Variants in HHAT observed in about 807,000 individuals in gnomAD.
HHAT encodes the protein protein-cysteine N-palmitoyltransferase HHAT.
HHAT carries 47 observed loss-of-function variants against 70.8 expected under a neutral mutation model. The observed-to-expected ratio is 0.66, with a 90% CI of 0.53 to 0.85. The LOEUF (loss-of-function observed/expected upper bound fraction) is 0.85, where lower values mean the gene tolerates loss of function less well. Among genes scored for constraint, HHAT ranks in the 40% least tolerant of loss-of-function variants. The probability of loss-of-function intolerance (pLI) is 0.00; values close to 1 mark genes in which losing one functional copy is unlikely to be tolerated. For synonymous variants in HHAT, 228 were observed against 247.6 expected, an observed-to-expected ratio of 0.92 and a Z score of 0.74; for missense variants, 609 against 604.8, an observed-to-expected ratio of 1.01 and a Z score of -0.07.
At chr1:210,555,995 C>G (rs139868196) in intron 9 of HHAT, among the ~76,000 whole-genome samples, 253 of 152,268 alleles carry the variant, frequency 1.7e-3, no homozygotes, top group South Asian at 3.3e-3. Context: ...GTTCTTTTCT[C>G]TTTCACATGT....
intron 9 of HHAT, among the ~76,000 whole-genome samples, chr1:210,544,371 T>TTTTTTTTTTTTTTTTTTTTTTTTTCTTTC (rs2095462828): frequency 1.5e-5 from 1 of 65,286 alleles, no homozygotes; most frequent in Non-Finnish European, 4.8e-5. Context: ...TCTTTCGTTT[T>TTTTTTTTTTTTTTTTTTTTTTTTTCTTTC]TTTTTTTTTT....
chr1:210,493,849 C>T (rs1311338405), intron 8 of HHAT, among the ~76,000 whole-genome samples: 1 of 152,188 alleles, frequency 6.6e-6, no homozygotes, highest in Non-Finnish European at 1.5e-5. Flanking sequence ...TTCCTTGCAT[C>T]ACCACCTCAA....
upstream of HHAT, among the ~76,000 whole-genome samples, chr1:210,327,667 G>A (rs1057063936): frequency 2.6e-5 from 4 of 151,078 alleles, no homozygotes; most frequent in African/African-American, 7.3e-5. Flanking sequence ...CACCACACCC[G>A]GCTAATTTTT....
chr1:210,375,820 C>G (rs2148090674), intron 3 of HHAT, among the ~76,000 whole-genome samples: 1 of 150,178 alleles, frequency 6.7e-6, no homozygotes, highest in African/African-American at 2.4e-5. Flanking sequence ...CTCTCTTGTT[C>G]AGATTGGGTG....
At chr1:210,388,219 T>C (rs952485716) in intron 4 of HHAT, among the ~76,000 whole-genome samples, 10 of 152,188 alleles carry the variant, frequency 6.6e-5, no homozygotes, top group Non-Finnish European at 1.2e-4. Flanking sequence ...TGCTATAGAT[T>C]CCTGATGGAG....
intron 9 of HHAT, among the ~76,000 whole-genome samples, chr1:210,564,034 A>G (rs925380056): frequency 2.0e-5 from 3 of 151,824 alleles, no homozygotes; most frequent in African/African-American, 7.3e-5. Flanking sequence ...GCTCACAGCA[A>G]CCTCTGCCTC....
chr1:210,418,583 G>A (rs2092796697), intron 7 of HHAT, among the ~76,000 whole-genome samples: 1 of 152,154 alleles, frequency 6.6e-6, no homozygotes, highest in Non-Finnish European at 1.5e-5. Flanking sequence ...GGATCCTACT[G>A]ACCTTAGCTG....
intron 3 of HHAT, among the ~76,000 whole-genome samples, chr1:210,386,707 T>A (rs1278199229): frequency 6.6e-6 from 1 of 152,170 alleles, no homozygotes; most frequent in Admixed American, 6.5e-5. Context: ...TCCGTGGTCC[T>A]TTCTGGGGCT....
chr1:210,506,169 A>C (rs2148561116), intron 8 of HHAT, among the ~76,000 whole-genome samples: 1 of 152,326 alleles, frequency 6.6e-6, no homozygotes, highest in Admixed American at 6.5e-5. Context: ...ATTTTGATGC[A>C]CTGTGAGGCT....
chr1:210,414,644 A>G (rs1169052925), intron 6 of HHAT, among the ~76,000 whole-genome samples: 2 of 152,184 alleles, frequency 1.3e-5, no homozygotes, highest in African/African-American at 2.4e-5. Flanking sequence ...AGGGGTCTTG[A>G]GTACATTTGC....
At chr1:210,450,297 G>T (rs1362779226) in intron 7 of HHAT, among the ~76,000 whole-genome samples, 1 of 151,076 alleles carries the variant, frequency 6.6e-6, no homozygotes, top group Non-Finnish European at 1.5e-5. Context: ...TCTCAGGTGG[G>T]GGGGGTGGGA....
At chr1:210,671,068 C>T (rs373376816) in intron 11 of HHAT, among the ~76,000 whole-genome samples, 4 of 152,320 alleles carry the variant, frequency 2.6e-5, no homozygotes, top group African/African-American at 7.2e-5. Context: ...GTCTTCCTTA[C>T]AGCCCTGTGT....
chr1:210,375,058 C>A (rs1393184561), intron 3 of HHAT, among the ~76,000 whole-genome samples: 4 of 152,180 alleles, frequency 2.6e-5, no homozygotes, highest in Admixed American at 2.6e-4. Flanking sequence ...TTAGTACAAC[C>A]CACAGACTTT....
intron 9 of HHAT, among the ~76,000 whole-genome samples, chr1:210,552,344 ATGTCCGATTTG>A (rs1431278506): frequency 1.3e-5 from 2 of 152,218 alleles, no homozygotes; most frequent in Non-Finnish European, 2.9e-5. Context: ...GGTAACTTAC[ATGTCCGATTTG>A]TGTCCTTCTG....
chr1:210,417,692 T>C (rs957280117), intron 6 of HHAT, among the ~76,000 whole-genome samples: 13 of 152,180 alleles, frequency 8.5e-5, no homozygotes, highest in African/African-American at 2.4e-4. Flanking sequence ...CAGCCCATCT[T>C]TTTCTCTTTC....
chr1:210,383,208 T>A (rs1221713249), intron 3 of HHAT, among the ~76,000 whole-genome samples: 1 of 151,908 alleles, frequency 6.6e-6, no homozygotes, highest in Admixed American at 6.6e-5. Context: ...GGTGTGGTGG[T>A]ATGCACCTGT....
At chr1:210,598,299 G>A (rs989068404) in intron 10 of HHAT, among the ~76,000 whole-genome samples, 1 of 151,900 alleles carries the variant, frequency 6.6e-6, no homozygotes, top group African/African-American at 2.4e-5. Flanking sequence ...CTGGGGTTGG[G>A]GGACGGGTGA....
chr1:210,509,559 A>AGAT (rs2094919303), intron 8 of HHAT, among the ~76,000 whole-genome samples: 1 of 152,224 alleles, frequency 6.6e-6, no homozygotes, highest in South Asian at 2.1e-4. Flanking sequence ...TCTGTGGTGC[A>AGAT]GATGATAATA....
chr1:210,502,003 T>C (rs939155101), intron 8 of HHAT, among the ~76,000 whole-genome samples: 7 of 145,692 alleles, frequency 4.8e-5, no homozygotes, highest in Non-Finnish European at 1.1e-4. Context: ...GCCTATATTT[T>C]AGGTCTCCTC....
Sources: allele counts gnomAD v4.1 joint callset (sites outside exome capture counted in the v4.1 genomes callset), GRCh38; gene constraint gnomAD v4.1.1; transcripts MANE v1.5; gene names NCBI Gene and HGNC (gene_info 2026-07-23, HGNC 2026-07-21).